The following RASA3 variants were observed in gnomAD, a reference collection of about 807,000 sequenced individuals.
RASA3 encodes RAS p21 protein activator 3, also known as ras GTPase-activating protein 3.
In RASA3, 73 loss-of-function variants were observed where a neutral mutation model predicts 110.0. That is an observed-to-expected ratio of 0.66 (90% CI 0.55 to 0.81). The LOEUF (loss-of-function observed/expected upper bound fraction) is 0.81. Ranked by LOEUF, RASA3 falls within the 30% of genes least tolerant of loss-of-function variation. The probability of loss-of-function intolerance (pLI) is 0.00; values close to 1 mark genes in which losing one functional copy is unlikely to be tolerated. For missense variants in RASA3, 976 were observed against 1,113.2 expected, an observed-to-expected ratio of 0.88 and a Z score of 1.75; for synonymous variants, 500 against 451.4, an observed-to-expected ratio of 1.11 and a Z score of -1.37.
chr13:114,069,058 G>A (rs1040827523), intron 2 of RASA3, among the ~76,000 whole-genome samples: 2 of 152,234 alleles, frequency 1.3e-5, no homozygotes, highest in African/African-American at 4.8e-5. Flanking sequence ...AGGGGCCCGG[G>A]CCACACGCAG....
intron 4 of RASA3, among the ~76,000 whole-genome samples, chr13:114,030,374 A>C (rs138623192): frequency 0.083 from 11,772 of 141,888 alleles, 796 homozygotes; most frequent in Non-Finnish European, 0.12. Flanking sequence ...GCTCACACAG[A>C]GGGCAAGACT....
In RASA3 at chr13:114,004,377, T is replaced by A. The variant is rs370083703; in HGVS notation, c.1742+3156A>T. Among the ~76,000 whole-genome samples, 14 of 151,338 alleles carry A rather than the reference T, an allele frequency of 9.3e-5. No homozygotes were observed. The East Asian group carries it at 2.1e-3, about 23-fold the overall frequency. On this transcript the variant is annotated intron_variant, in intron 18 of 23. Coordinates refer to ENST00000334062, the MANE Select transcript of RASA3 (RefSeq NM_007368.4). The stretch of plus-strand genomic sequence containing the variant: ...AACTCAAACAACTTAACAAAAAAAA[T>A]AAAAATTAAAAAAAAATTTAAAAGT...
At chr13:114,017,414 AG>A (rs2053818933) in intron 11 of RASA3, 63 bp from the exon 12 acceptor site, 1 of 1,347,184 alleles carries the variant, frequency 7.4e-7, no homozygotes, top group East Asian at 2.4e-5. Context: ...GACGGAGCAG[AG>A]CCTGGCCCCG....
In RASA3 at chr13:113,993,823, A is replaced by AG. The variant is rs1248033385; in HGVS notation, c.2142-1236_2142-1235insC. Among the ~76,000 whole-genome samples, 103 of 148,956 alleles carry AG rather than the reference A, an allele frequency of 6.9e-4. No individual in the cohort carries two copies. In the South Asian group the frequency reaches 7.7e-3, roughly 11 times the overall value. On this transcript the variant is annotated intron_variant, in intron 21 of 23. Coordinates refer to ENST00000334062, the MANE Select transcript of RASA3 (RefSeq NM_007368.4). ...ACTCTGCCTAAAAAAAAAAAAAAAA[A>AG]AAAAAAAAGAAAAGAAAAGAAAATC...
intron 21 of RASA3, among the ~76,000 whole-genome samples, chr13:113,995,851 G>T (rs865982617): frequency 3.7e-4 from 21 of 57,422 alleles, no homozygotes; most frequent in Non-Finnish European, 6.6e-4. Context: ...CCCGGCTGAC[G>T]GGGGGCCCGG....
At chr13:114,018,398 A>C in intron 10 of RASA3, 146 bp from the exon 11 acceptor site, 5 of 1,154,718 alleles carry the variant, frequency 4.3e-6, no homozygotes, top group Non-Finnish European at 5.9e-6. Context: ...AAAAACACCA[A>C]ACTTCCCATT....
In RASA3 at chr13:113,995,526, G is replaced by A. The variant is rs565861610; in HGVS notation, c.2141+1005C>T. ...CTCACGGAGCATAACCAGGGGGACC[G>A]CCAGGCACCCAGGCCTCCTCCTTAG... On this transcript the variant is annotated intron_variant, in intron 21 of 23. Transcript: ENST00000334062. Among the ~76,000 whole-genome samples the A allele has an allele frequency of 1.7e-3, 265 of 152,362 alleles. 1 individual carries two copies. Among genetic ancestry groups the A allele is most frequent in the African/African-American group, 4.1e-3 (169 of 41,590 alleles).
chr13:114,063,439 C>G (rs2079395917), intron 2 of RASA3, among the ~76,000 whole-genome samples: 1 of 150,492 alleles, frequency 6.6e-6, no homozygotes, highest in South Asian at 2.1e-4. Context: ...AATATATTAA[C>G]AATAATAGTA....
intron 1 of RASA3, among the ~76,000 whole-genome samples, chr13:114,099,258 A>G (rs1279831410): frequency 6.6e-6 from 1 of 151,986 alleles, no homozygotes; most frequent in Admixed American, 6.5e-5. Flanking sequence ...CCAGAAGCAC[A>G]GCAGACGCTC....
intron 2 of RASA3, among the ~76,000 whole-genome samples, chr13:114,066,451 G>A (rs896267660): frequency 6.6e-5 from 10 of 152,180 alleles, no homozygotes; most frequent in Non-Finnish European, 1.5e-5. Context: ...GAGAAGGGGG[G>A]ACCTGGCCTT....
At position 114,112,173 on chromosome 13, in the gene RASA3, GAGA is replaced by G. The variant is rs1356229072; in HGVS notation, c.55+20259_55+20261del. ...GATGGATTTAGTGATAGCAAATAAA[GAGA>G]AGGAGAACAAAACCCTCAGCCAGGC... On this transcript the variant is annotated intron_variant, in intron 1 of 23. Coordinates refer to ENST00000334062, the MANE Select transcript of RASA3 (RefSeq NM_007368.4). The surrounding 1 kb of genome is among the most constrained non-coding windows in gnomAD (Gnocchi z 4.8). 6.5e-5 allele frequency among the ~76,000 whole-genome samples: 4 copies of G among 61,384 alleles called. No individual in the cohort carries two copies. The highest frequency in any genetic ancestry group is 1.3e-4 in the Non-Finnish European group (3 of 22,784). The allele number at this position is 61,384 out of a possible 152,430, so 40.3% of individuals were successfully genotyped here.
At chr13:114,009,678 G>A (rs1007570470) in intron 16 of RASA3, among the ~76,000 whole-genome samples, 1 of 152,262 alleles carries the variant, frequency 6.6e-6, no homozygotes. Context: ...AGACCTGCCA[G>A]TGCCCGTGAG....
At chr13:114,018,057 T>G (rs1594330630) in intron 11 of RASA3, 47 bp downstream of exon 11, 1 of 1,449,870 alleles carries the variant, frequency 6.9e-7, no homozygotes, top group Admixed American at 2.5e-5. Flanking sequence ...TTGCCATCCC[T>G]GTAGCGGGTC....
intron 18 of RASA3, among the ~76,000 whole-genome samples, chr13:114,002,442 G>C (rs1428395530): frequency 6.6e-6 from 1 of 152,134 alleles, no homozygotes; most frequent in Admixed American, 6.5e-5. Context: ...AGGCTGTTGA[G>C]GACCAGCAGG....
intron 17 of RASA3, among the ~76,000 whole-genome samples, chr13:114,008,082 G>C (rs113162519): frequency 8.1e-4 from 1 of 1,234 alleles, no homozygotes; most frequent in Non-Finnish European, 1.8e-3. Context: ...GGGGCCTGGA[G>C]GTTGCCCCCA....
In RASA3 at chr13:113,979,375, T is replaced by C. The variant is rs549154375; in HGVS notation, c.2477A>G (p.Gln826Arg). 3.7e-6 allele frequency: 6 copies of C among 1,606,324 alleles called. No homozygotes were observed. The Admixed American group carries it at 6.7e-5, about 18-fold the overall frequency. Residue 826 changes from glutamine (Q) to arginine (R), a missense_variant, in exon 24 of 24, where the codon CAG becomes CGG. Coordinates refer to ENST00000334062, the MANE Select transcript of RASA3 (RefSeq NM_007368.4). The part of the protein sequence containing the change: ...DKSFQNYIRQ[Q>R]SETSTHSI Reference sequence around the variant, plus strand: ...AATGGAATGAGTGGAGGTCTCGGACTGCTGCCGGATGTAGTTCTGGAAGCT... The same window carrying C: ...AATGGAATGAGTGGAGGTCTCGGACCGCTGCCGGATGTAGTTCTGGAAGCT...
At chr13:114,013,673 CCT>C (rs1175525529) in intron 14 of RASA3, among the ~76,000 whole-genome samples, 1 of 116,660 alleles carries the variant, frequency 8.6e-6, no homozygotes, top group African/African-American at 3.5e-5. Flanking sequence ...TGTCCCTCTC[CCT>C]GTCTCTCTCC....
chr13:114,041,163 G>T, intron 3 of RASA3, 69 bp from the exon 4 acceptor site: 1 of 1,326,506 alleles, frequency 7.5e-7, no homozygotes. Context: ...GTGAGCAGAA[G>T]CCAGCCCATC....
intron 4 of RASA3, among the ~76,000 whole-genome samples, chr13:114,038,722 AGGGTTCCCAGAGGACG>A (rs2054330425): frequency 7.2e-6 from 1 of 138,942 alleles, no homozygotes; most frequent in Non-Finnish European, 1.6e-5. Flanking sequence ...CCAGAGGACG[AGGGTTCCCAGAGGACG>A]AGGGTTCCCG....
Sources: allele counts gnomAD v4.1 joint callset (sites outside exome capture counted in the v4.1 genomes callset), GRCh38; gene constraint gnomAD v4.1.1; non-coding constraint Gnocchi (gnomAD v3.1); transcripts MANE v1.5; gene names NCBI Gene and HGNC (gene_info 2026-07-23, HGNC 2026-07-21).